The following PTPRM variants were observed in gnomAD, a reference collection of about 807,000 sequenced individuals.
The protein encoded by PTPRM is protein tyrosine phosphatase receptor type M.
Under a neutral mutation model 186.7 loss-of-function variants are expected in PTPRM, and 47 were observed. That is an observed-to-expected ratio of 0.25 (90% CI 0.20 to 0.32). PTPRM has a LOEUF of 0.32. PTPRM is among the 10% of genes least tolerant of loss of function. PTPRM has a pLI of 1.00. For missense variants in PTPRM, 1,494 were observed against 1,865.0 expected (o/e 0.80, Z 3.66); for synonymous variants, 668 against 674.9 (o/e 0.99, Z 0.16).
rs1482131145 is a variant in PTPRM, at chr18:7,966,979, C to T, written c.1132+11565C>T. On this transcript the variant is annotated intron_variant, in intron 7 of 32. Transcript: ENST00000580170. Reference sequence around the variant, plus strand: ...ACAGCTCTAGGAGGCCTGCCTGCCTCTGTAGGCTCCACCTCTGGGGGCAGG... The same window carrying T: ...ACAGCTCTAGGAGGCCTGCCTGCCTTTGTAGGCTCCACCTCTGGGGGCAGG... Among the ~76,000 whole-genome samples, 5 of 118,214 alleles carry T rather than the reference C, an allele frequency of 4.2e-5. 1 individual carries two copies. In the Admixed American group the frequency reaches 4.4e-4, roughly 10 times the overall value. The allele number at this position is 118,214 out of a possible 152,430, so 77.6% of individuals were successfully genotyped here.
In PTPRM at chr18:8,400,518, C is replaced by T. The variant is rs554223340; in HGVS notation, c.4345-5591C>T. On this transcript the variant is annotated intron_variant, in intron 32 of 32. Transcript: ENST00000580170. ...GCCCCCGCCAGGTAGGATAGACGTG[C>T]CACACGGCTGAGAAAGTTGGTGTAG... 1.4e-4 allele frequency among the ~76,000 whole-genome samples: 21 copies of T among 152,326 alleles called. No individual in the cohort carries two copies. In the East Asian group the frequency reaches 3.9e-3, roughly 28 times the overall value.
intron 1 of PTPRM, among the ~76,000 whole-genome samples, chr18:7,773,423 G>A (rs1393568582): frequency 6.6e-6 from 1 of 151,916 alleles, no homozygotes; most frequent in Non-Finnish European, 1.5e-5. Flanking sequence ...AATTATAAAT[G>A]TTTCTTCTTT....
intron 19 of PTPRM, among the ~76,000 whole-genome samples, chr18:8,292,590 G>C (rs1199531521): frequency 6.6e-6 from 1 of 152,174 alleles, no homozygotes; most frequent in African/African-American, 2.4e-5. Context: ...CTTTTCCTCA[G>C]AGCATTTCTA....
intron 32 of PTPRM, chr18:8,402,804 A>G (rs1242797550): frequency 6.6e-6 from 1 of 152,248 alleles, no homozygotes; most frequent in Non-Finnish European, 1.5e-5. Context: ...TCAGAAATCT[A>G]ATTTTGCCCA....
chr18:8,149,138 G>A (rs1041732365), intron 14 of PTPRM, among the ~76,000 whole-genome samples: 1 of 152,156 alleles, frequency 6.6e-6, no homozygotes, highest in Admixed American at 6.5e-5. Flanking sequence ...TTGATTTGGG[G>A]TGGAGAGTTC....
At chr18:7,617,542 T>C (rs1434774513) in intron 1 of PTPRM, among the ~76,000 whole-genome samples, 1 of 152,180 alleles carries the variant, frequency 6.6e-6, no homozygotes, top group Non-Finnish European at 1.5e-5. Context: ...AGTCAGATAG[T>C]GTCTTCTTAT....
intron 7 of PTPRM, among the ~76,000 whole-genome samples, chr18:8,041,533 A>C (rs2086691615): frequency 6.6e-6 from 1 of 152,126 alleles, no homozygotes; most frequent in East Asian, 1.9e-4. Context: ...CTTTCTTATA[A>C]GATGTGTAAG....
At chr18:8,358,139 CCA>C (rs1555885286) in intron 23 of PTPRM, among the ~76,000 whole-genome samples, 1 of 150,724 alleles carries the variant, frequency 6.6e-6, no homozygotes, top group Non-Finnish European at 1.5e-5. Context: ...ATTCCCCCCC[CCA>C]CACACACACA....
chr18:8,051,185 A>G (rs1208097717), intron 7 of PTPRM, among the ~76,000 whole-genome samples: 1 of 152,186 alleles, frequency 6.6e-6, no homozygotes, highest in Non-Finnish European at 1.5e-5. Flanking sequence ...GCCTGGTAGT[A>G]ACCATTGTAC....
intron 13 of PTPRM, among the ~76,000 whole-genome samples, chr18:8,118,939 C>G (rs1388673771): frequency 6.6e-6 from 1 of 150,634 alleles, no homozygotes; most frequent in Non-Finnish European, 1.5e-5. Context: ...CCAGGGAAGT[C>G]AAAAGATTGG....
At chr18:7,609,093 G>A (rs968209386) in intron 1 of PTPRM, among the ~76,000 whole-genome samples, 1 of 152,148 alleles carries the variant, frequency 6.6e-6, no homozygotes, top group Non-Finnish European at 1.5e-5. Context: ...GATTACACAT[G>A]CTTGTTCATT....
At chr18:7,754,223 T>C (rs1300946952) in intron 1 of PTPRM, among the ~76,000 whole-genome samples, 1 of 152,248 alleles carries the variant, frequency 6.6e-6, no homozygotes, top group Non-Finnish European at 1.5e-5. Flanking sequence ...GTTTTTGTCA[T>C]CAGTGAATGA....
intron 1 of PTPRM, among the ~76,000 whole-genome samples, chr18:7,628,873 A>C (rs2144053425): frequency 6.6e-6 from 1 of 152,324 alleles, no homozygotes; most frequent in African/African-American, 2.4e-5. Flanking sequence ...CTATCAGCCC[A>C]AAGAAGGCAC....
chr18:8,323,619 C>T (rs554628157), intron 22 of PTPRM, among the ~76,000 whole-genome samples: 1 of 152,210 alleles, frequency 6.6e-6, no homozygotes, highest in Non-Finnish European at 1.5e-5. Flanking sequence ...GGTTGACTAC[C>T]TGATTGGGGT....
intron 10 of PTPRM, among the ~76,000 whole-genome samples, chr18:8,087,987 C>T (rs1479442657): frequency 6.6e-6 from 1 of 152,142 alleles, no homozygotes; most frequent in Non-Finnish European, 1.5e-5. Flanking sequence ...ATGCTGGAAA[C>T]TGGCCTTAGA....
intron 7 of PTPRM, among the ~76,000 whole-genome samples, chr18:8,067,025 C>T (rs1305245765): frequency 6.6e-6 from 1 of 152,192 alleles, no homozygotes; most frequent in Non-Finnish European, 1.5e-5. Flanking sequence ...ATAAGGAATA[C>T]TGAATGATGC....
intron 1 of PTPRM, among the ~76,000 whole-genome samples, chr18:7,572,850 A>G (rs778192579): frequency 3.9e-5 from 6 of 152,216 alleles, no homozygotes; most frequent in Admixed American, 2.6e-4. Flanking sequence ...CCAACTCACA[A>G]ACATTCTAAA....
intron 19 of PTPRM, among the ~76,000 whole-genome samples, chr18:8,286,971 T>TA (rs576050020): frequency 0.11 from 15,766 of 145,794 alleles, 864 homozygotes; most frequent in Non-Finnish European, 0.12. Flanking sequence ...TGTCATCTCT[T>TA]AAAAAAAAAA....
chr18:8,379,544 C>T (rs1240751149), intron 28 of PTPRM, among the ~76,000 whole-genome samples: 2 of 152,200 alleles, frequency 1.3e-5, no homozygotes, highest in Middle Eastern at 3.2e-3. Flanking sequence ...ACCACCAGGC[C>T]AGGAGTATCC....
Sources: allele counts gnomAD v4.1 joint callset (sites outside exome capture counted in the v4.1 genomes callset), GRCh38; gene constraint gnomAD v4.1.1; transcripts MANE v1.5; gene names NCBI Gene and HGNC (gene_info 2026-07-23, HGNC 2026-07-21).